APP: variants seen among roughly 807,000 people sequenced by gnomAD.
APP encodes amyloid beta precursor protein.
APP carries 31 observed loss-of-function variants against 101.4 expected under a neutral mutation model. The observed-to-expected ratio is 0.31, with a 90% CI of 0.23 to 0.41. APP has a LOEUF of 0.41. APP is among the 10% of genes least tolerant of loss of function. The probability of loss-of-function intolerance (pLI) is 1.00; values close to 1 mark genes in which losing one functional copy is unlikely to be tolerated. For synonymous variants in APP, 366 were observed against 364.4 expected (o/e 1.00, Z -0.05); for missense variants, 839 against 1,003.7 (o/e 0.84, Z 2.22).
At chr21:26,021,157 C>G (rs2044320682) in intron 6 of APP, among the ~76,000 whole-genome samples, 1 of 151,108 alleles carries the variant, frequency 6.6e-6, no homozygotes, top group Non-Finnish European at 1.5e-5. Context: ...AAGCAATTCT[C>G]CTGTCTCAGC....
At chr21:26,002,819 G>C (rs927463664) in intron 6 of APP, among the ~76,000 whole-genome samples, 4 of 152,160 alleles carry the variant, frequency 2.6e-5, no homozygotes, top group Non-Finnish European at 5.9e-5. Flanking sequence ...TCTTCTTATA[G>C]ATGTGTGCCA....
chr21:25,942,517 T>C (rs2040620147), intron 13 of APP: 1 of 152,166 alleles, frequency 6.6e-6, no homozygotes. Context: ...GCAAGCAATG[T>C]CCCTTTACCT....
Position 25,905,041 on chromosome 21 carries a change from C to T in APP, c.1946G>A (p.Gly649Glu). Residue 649 changes from glycine to glutamate, a missense_variant, in exon 15 of 18, where the codon GGA (glycine) becomes GAA (glutamate). Transcript: ENST00000346798. ...TCTGATACCTGGTCGAGTGGTCAGT[C>T]CTCGGTCGGCAGCAGGGCGGGCATC... is the stretch of plus-strand genomic sequence containing the variant. ...PVDARPAADR[G>E]LTTRPGSGLT... is the part of the protein sequence containing the mutation. 6.2e-7 allele frequency: 1 copy of T among 1,613,918 alleles called. No individual in the cohort carries two copies. Among genetic ancestry groups the T allele is most frequent in the Non-Finnish European group, 8.5e-7 (1 of 1,179,952 alleles).
intron 13 of APP, chr21:25,946,098 T>C: frequency 3.3e-6 from 1 of 306,856 alleles, no homozygotes; most frequent in Non-Finnish European, 6.5e-6. Context: ...AAGATTTAAC[T>C]GTAAGAGCTA....
chr21:26,092,249 CA>C (rs1323223654), intron 2 of APP, among the ~76,000 whole-genome samples: 6 of 151,810 alleles, frequency 4.0e-5, no homozygotes, highest in Admixed American at 3.3e-4. Flanking sequence ...TCCCAGACCC[CA>C]AAAAAATCAG....
intron 8 of APP, among the ~76,000 whole-genome samples, chr21:25,990,483 T>C (rs1432243843): frequency 2.0e-5 from 3 of 152,244 alleles, no homozygotes; most frequent in Non-Finnish European, 4.4e-5. Flanking sequence ...CCTTAGGTTA[T>C]TGTTTTTTGT....
intron 1 of APP, among the ~76,000 whole-genome samples, chr21:26,155,662 C>A (rs1299559902): frequency 6.6e-6 from 1 of 152,030 alleles, no homozygotes; most frequent in Non-Finnish European, 1.5e-5. Context: ...ATTTTGTGCA[C>A]CAACAATAAA....
intron 3 of APP, chr21:26,089,674 T>G: frequency 3.0e-6 from 1 of 335,930 alleles, no homozygotes; most frequent in Non-Finnish European, 5.6e-6. Flanking sequence ...ATAGGCATTT[T>G]TCATTCAGGA....
intron 13 of APP, among the ~76,000 whole-genome samples, chr21:25,914,599 G>C: frequency 7.0e-6 from 1 of 141,908 alleles, no homozygotes; most frequent in African/African-American, 2.9e-5. Context: ...TGTCGCCCAG[G>C]CTGGAGTGCA....
At chr21:26,059,602 A>G (rs2046184876) in intron 3 of APP, among the ~76,000 whole-genome samples, 1 of 152,150 alleles carries the variant, frequency 6.6e-6, no homozygotes, top group Admixed American at 6.5e-5. Flanking sequence ...TTATAAGAGA[A>G]GGCAAGGGCC....
intron 2 of APP, among the ~76,000 whole-genome samples, chr21:26,105,392 T>C: frequency 6.6e-6 from 1 of 152,078 alleles, no homozygotes; most frequent in East Asian, 1.9e-4. Flanking sequence ...GATTATAACT[T>C]TGAAAATATA....
chr21:25,965,849 T>C (rs2041776771), intron 11 of APP, among the ~76,000 whole-genome samples: 1 of 152,198 alleles, frequency 6.6e-6, no homozygotes, highest in South Asian at 2.1e-4. Flanking sequence ...TTCTCAAAGA[T>C]AAAATGAACA....
At chr21:26,166,422 T>G (rs1250470579) in intron 1 of APP, among the ~76,000 whole-genome samples, 1 of 152,114 alleles carries the variant, frequency 6.6e-6, no homozygotes, top group Non-Finnish European at 1.5e-5. Context: ...CTCCATACAT[T>G]TGCATCTGAG....
intron 2 of APP, among the ~76,000 whole-genome samples, chr21:26,106,974 A>T (rs1472996697): frequency 6.6e-6 from 1 of 152,214 alleles, no homozygotes; most frequent in Non-Finnish European, 1.5e-5. Context: ...AATGTCCAAA[A>T]ACAAGATATG....
intron 3 of APP, among the ~76,000 whole-genome samples, chr21:26,058,973 C>G (rs1407075823): frequency 6.6e-6 from 1 of 151,256 alleles, no homozygotes; most frequent in Non-Finnish European, 1.5e-5. Context: ...CCCAGCTACT[C>G]GGGAGGCTGA....
chr21:26,119,926 A>G (rs890574298), intron 1 of APP, among the ~76,000 whole-genome samples: 4 of 152,230 alleles, frequency 2.6e-5, no homozygotes, highest in African/African-American at 9.6e-5. Flanking sequence ...TTGTTCTGAC[A>G]GCTAGGACAG....
chr21:25,954,575 G>A lies in APP; in HGVS notation c.1687+15C>T. 1.2e-6 allele frequency: 2 copies of A among 1,601,134 alleles called. No individual in the cohort carries two copies. The highest frequency in any genetic ancestry group is 1.7e-6 in the Non-Finnish European group (2 of 1,168,720). ...TACATGTCCATGTGCAGCATCAAAAGAACAGCTTACTTACCAACTTCATCC... is the reference window on the plus strand; with the variant it reads ...TACATGTCCATGTGCAGCATCAAAAAAACAGCTTACTTACCAACTTCATCC... On this transcript the variant is annotated intron_variant, in intron 13 of 17. Coordinates refer to ENST00000346798, the MANE Select transcript of APP (RefSeq NM_000484.4).
intron 11 of APP, among the ~76,000 whole-genome samples, chr21:25,963,603 G>A (rs2041674425): frequency 6.6e-6 from 1 of 152,096 alleles, no homozygotes; most frequent in African/African-American, 2.4e-5. Flanking sequence ...TTCATAAATA[G>A]GTTCAGAACT....
At chr21:26,004,317 CT>C (rs1185772784) in intron 6 of APP, among the ~76,000 whole-genome samples, 1 of 115,696 alleles carries the variant, frequency 8.6e-6, no homozygotes. Flanking sequence ...GAGTCTCGCT[CT>C]GTTGCCCAGG....
Sources: gnomAD v4.1 joint callset for allele counts (sites outside exome capture counted in the v4.1 genomes callset) on GRCh38, gnomAD v4.1.1 for gene constraint, MANE v1.5 for transcripts, NCBI Gene and HGNC (gene_info 2026-07-23, HGNC 2026-07-21) for gene names.